MYO5B: variants seen among roughly 807,000 people sequenced by gnomAD.
MYO5B encodes myosin VB, also known as unconventional myosin-Vb.
MYO5B carries 143 observed loss-of-function variants against 229.3 expected under a neutral mutation model. That is an observed-to-expected ratio of 0.62 (90% confidence interval 0.54 to 0.72). MYO5B has a LOEUF of 0.72. MYO5B is among the 30% of genes least tolerant of loss of function. The probability of loss-of-function intolerance (pLI) is 0.00; values close to 1 mark genes in which losing one functional copy is unlikely to be tolerated. For missense variants in MYO5B, 2,321 were observed against 2,331.0 expected (o/e 1.00, Z 0.09); for synonymous variants, 918 against 885.2 (o/e 1.04, Z -0.66).
intron 33 of MYO5B, among the ~76,000 whole-genome samples, chr18:49,846,047 G>C (rs2024122012): frequency 6.6e-6 from 1 of 152,200 alleles, no homozygotes; most frequent in Non-Finnish European, 1.5e-5. Context: ...CTGAGCAGTG[G>C]TTCTCACAGC....
chr18:49,921,146 A>G (rs1426316730), intron 17 of MYO5B, among the ~76,000 whole-genome samples: 2 of 152,096 alleles, frequency 1.3e-5, no homozygotes, highest in Admixed American at 1.3e-4. Flanking sequence ...TTTACTCTTC[A>G]CAGGACTGGG....
chr18:49,876,226 A>G (rs1035256456), intron 25 of MYO5B: 3 of 322,428 alleles, frequency 9.3e-6, no homozygotes, highest in African/African-American at 4.3e-5. Flanking sequence ...TGAGGAATCA[A>G]CATGGTTACC....
chr18:50,052,705 T>TG (rs1555654651), intron 2 of MYO5B, among the ~76,000 whole-genome samples: 2 of 142,562 alleles, frequency 1.4e-5, no homozygotes, highest in Non-Finnish European at 3.1e-5. Flanking sequence ...TAAAGTATAA[T>TG]AAAAAAAAAA....
chr18:49,931,330 G>T (rs1295227648), intron 16 of MYO5B, among the ~76,000 whole-genome samples: 2 of 152,120 alleles, frequency 1.3e-5, no homozygotes, highest in Non-Finnish European at 2.9e-5. Flanking sequence ...TCCAGGCTGT[G>T]CTCACTGTGG....
intron 1 of MYO5B, among the ~76,000 whole-genome samples, chr18:50,114,516 G>A (rs2031922051): frequency 6.6e-6 from 1 of 152,174 alleles, no homozygotes; most frequent in African/African-American, 2.4e-5. Flanking sequence ...CTAATTAAGA[G>A]GTAACTTAGG....
intron 30 of MYO5B, among the ~76,000 whole-genome samples, 171 bp from the exon 31 acceptor site, chr18:49,853,818 A>G (rs2024230277): frequency 6.6e-6 from 1 of 152,268 alleles, no homozygotes; most frequent in African/African-American, 2.4e-5. Context: ...CCACAAGGCA[A>G]GCAGGCCAAA....
intron 4 of MYO5B, 85 bp downstream of exon 4, chr18:50,036,765 G>A: frequency 6.7e-7 from 1 of 1,500,902 alleles, no homozygotes; most frequent in Non-Finnish European, 9.3e-7. Context: ...ACCTCACTGT[G>A]AGCATCAGTT....
chr18:49,977,794 A>G lies in MYO5B; in HGVS notation c.1056+2650T>C, dbSNP rs189901464. 1.9e-4 allele frequency among the ~76,000 whole-genome samples: 29 copies of G among 152,340 alleles called. No individual in the cohort carries two copies. In the South Asian group the frequency reaches 2.1e-3, roughly 11 times the overall value. On this transcript the variant is annotated intron_variant, in intron 9 of 39. Transcript: ENST00000285039. ...GTCCACTCAGGCTATAACAAGGCTG[A>G]TATTAGACAAAGACTCTCTCAACCA... is the stretch of plus-strand genomic sequence containing the variant.
rs1185296346 is a variant in MYO5B at position 49,853,604 on chromosome 18, C to G, written c.4066G>C (p.Glu1356Gln). The G allele has an allele frequency of 6.2e-7, 1 of 1,613,940 alleles. No homozygotes were observed. Among genetic ancestry groups the G allele is most frequent in the Non-Finnish European group, 8.5e-7 (1 of 1,180,046 alleles). The change falls in exon 31 of 40, where the codon GAG (glutamate) becomes CAG (glutamine). Residue 1356 changes from glutamate (E) to glutamine (Q), a missense_variant. Transcript: ENST00000285039. ...TGAGCCTTGAGATGCTCCACCTCCT[C>G]CTCATGCTCCAGGCTCTGGGCCTGC... ...QLQAQSLEHE[E>Q]EVEHLKAQLE...
chr18:50,022,025 T>C (rs552777881), intron 4 of MYO5B, among the ~76,000 whole-genome samples: 2 of 152,248 alleles, frequency 1.3e-5, no homozygotes, highest in African/African-American at 4.8e-5. Flanking sequence ...GGGTAGGAAA[T>C]TCTTAGACAT....
At chr18:50,070,388 T>C (rs1446506076) in intron 1 of MYO5B, among the ~76,000 whole-genome samples, 1 of 152,106 alleles carries the variant, frequency 6.6e-6, no homozygotes, top group African/African-American at 2.4e-5. Context: ...TTTTCTAGAC[T>C]GCTTGCTTCT....
chr18:49,999,397 C>T (rs915268644), intron 5 of MYO5B, among the ~76,000 whole-genome samples: 3 of 152,196 alleles, frequency 2.0e-5, no homozygotes, highest in Admixed American at 6.5e-5. Context: ...CGACCTGGGC[C>T]GTGGCCATGC....
intron 22 of MYO5B, among the ~76,000 whole-genome samples, chr18:49,884,952 AG>A (rs2024627005): frequency 6.6e-6 from 1 of 152,244 alleles, no homozygotes; most frequent in South Asian, 2.1e-4. Flanking sequence ...CACACTCACC[AG>A]GATGGCTATA....
intron 1 of MYO5B, among the ~76,000 whole-genome samples, chr18:50,177,134 T>G (rs1304548640): frequency 6.7e-6 from 1 of 148,152 alleles, no homozygotes; most frequent in African/African-American, 2.5e-5. Context: ...CCTAATTTCA[T>G]GGAAACACAG....
intron 1 of MYO5B, among the ~76,000 whole-genome samples, chr18:50,158,029 G>A (rs1014672735): frequency 7.2e-5 from 11 of 152,094 alleles, no homozygotes; most frequent in Non-Finnish European, 8.8e-5. Flanking sequence ...GATTTTTTAT[G>A]GGTGGAAGCA....
intron 1 of MYO5B, among the ~76,000 whole-genome samples, chr18:50,167,138 G>A (rs1969956257): frequency 6.6e-6 from 1 of 152,232 alleles, no homozygotes; most frequent in African/African-American, 2.4e-5. Flanking sequence ...ATAGTACACT[G>A]TCTGAACAAA....
intron 16 of MYO5B, among the ~76,000 whole-genome samples, chr18:49,935,212 G>C (rs567206883): frequency 5.3e-5 from 8 of 152,198 alleles, no homozygotes; most frequent in Non-Finnish European, 7.3e-5. Context: ...TGAAGGAGAC[G>C]GAAGAATCAA....
At chr18:50,003,910 G>C (rs79732573) in intron 4 of MYO5B, among the ~76,000 whole-genome samples, 1,665 of 152,320 alleles carry the variant, frequency 0.011, 37 homozygotes, top group African/African-American at 0.038. Flanking sequence ...CCCATCAGTG[G>C]AGGAGGGGAG....
chr18:49,932,186 T>G (rs529041648), intron 16 of MYO5B, among the ~76,000 whole-genome samples: 1 of 152,196 alleles, frequency 6.6e-6, no homozygotes, highest in South Asian at 2.1e-4. Context: ...TCTGTTCTGG[T>G]ATCCCCACAT....
Sources: allele counts gnomAD v4.1 joint callset (sites outside exome capture counted in the v4.1 genomes callset), GRCh38; gene constraint gnomAD v4.1.1; transcripts MANE v1.5; gene names NCBI Gene and HGNC (gene_info 2026-07-23, HGNC 2026-07-21).